CNTNAP2: variants seen among roughly 807,000 people sequenced by gnomAD.
CNTNAP2 encodes the protein contactin-associated protein-like 2.
CNTNAP2 carries 98 observed loss-of-function variants against 155.2 expected under a neutral mutation model. That is an observed-to-expected ratio of 0.63 (90% CI 0.54 to 0.75). The LOEUF (loss-of-function observed/expected upper bound fraction) is 0.75. Ranked by LOEUF, CNTNAP2 falls within the 30% of genes least tolerant of loss-of-function variation. The probability of loss-of-function intolerance (pLI) is 0.00; values close to 1 mark genes in which losing one functional copy is unlikely to be tolerated. For missense variants in CNTNAP2, 1,727 were observed against 1,688.1 expected (o/e 1.02, Z -0.40); for synonymous variants, 651 against 631.2 (o/e 1.03, Z -0.47).
chr7:147,812,652 C>T (rs1798199291), intron 13 of CNTNAP2, among the ~76,000 whole-genome samples: 1 of 152,182 alleles, frequency 6.6e-6, no homozygotes, highest in Non-Finnish European at 1.5e-5. Context: ...GCCTCAGGTC[C>T]TCTCTCTGCT....
intron 8 of CNTNAP2, among the ~76,000 whole-genome samples, chr7:147,229,250 A>G (rs1234877638): frequency 6.6e-6 from 1 of 152,178 alleles, no homozygotes; most frequent in Non-Finnish European, 1.5e-5. Flanking sequence ...GCTTTACTCA[A>G]GAATGAACAG....
At chr7:146,954,017 A>G (rs2129228645) in intron 3 of CNTNAP2, among the ~76,000 whole-genome samples, 1 of 152,074 alleles carries the variant, frequency 6.6e-6, no homozygotes, top group South Asian at 2.1e-4. Flanking sequence ...TGATACCACC[A>G]TATAACGTGG....
chr7:147,640,420 G>A (rs755479462), intron 13 of CNTNAP2, among the ~76,000 whole-genome samples: 1 of 152,026 alleles, frequency 6.6e-6, no homozygotes, highest in African/African-American at 2.4e-5. Flanking sequence ...ATTTCATAAG[G>A]TAATATACTA....
chr7:147,648,323 G>C (rs2116937483), intron 13 of CNTNAP2, among the ~76,000 whole-genome samples: 1 of 152,276 alleles, frequency 6.6e-6, no homozygotes, highest in Admixed American at 6.5e-5. Flanking sequence ...AAGGGCAGAA[G>C]TTCTCATTAA....
chr7:147,241,197 C>T (rs1803929098), intron 8 of CNTNAP2, among the ~76,000 whole-genome samples: 1 of 152,194 alleles, frequency 6.6e-6, no homozygotes, highest in Admixed American at 6.5e-5. Flanking sequence ...ATGGAGGCAG[C>T]TACTGTCTTT....
intron 1 of CNTNAP2, among the ~76,000 whole-genome samples, chr7:146,668,031 G>A (rs1048584379): frequency 6.6e-6 from 1 of 152,036 alleles, no homozygotes; most frequent in Non-Finnish European, 1.5e-5. Flanking sequence ...GTGAGTGTTA[G>A]CATCTTTGTC....
At chr7:147,033,287 C>A (rs1799079419) in intron 3 of CNTNAP2, among the ~76,000 whole-genome samples, 1 of 149,260 alleles carries the variant, frequency 6.7e-6, no homozygotes, top group South Asian at 2.1e-4. Context: ...AAGTGAATTA[C>A]CCAAGTGAAC....
chr7:146,350,706 G>A (rs576484533), intron 1 of CNTNAP2, among the ~76,000 whole-genome samples: 24 of 152,126 alleles, frequency 1.6e-4, no homozygotes, highest in African/African-American at 5.5e-4. Flanking sequence ...TATAAATCAT[G>A]CTGCTATAAA....
chr7:148,278,730 G>C (rs1796923303), intron 21 of CNTNAP2, among the ~76,000 whole-genome samples: 1 of 152,224 alleles, frequency 6.6e-6, no homozygotes, highest in South Asian at 2.1e-4. Flanking sequence ...CATGAGCATA[G>C]ACAGAATGAG....
rs200520434 is a variant in CNTNAP2 at position 146,843,244 on chromosome 7, C to T, written c.402+3340C>T. 4.8e-5 allele frequency among the ~76,000 whole-genome samples: 7 copies of T among 144,922 alleles called. No homozygotes were observed. In the East Asian group the frequency reaches 1.4e-3, roughly 29 times the overall value. On this transcript the variant is annotated intron_variant, in intron 3 of 23. Coordinates refer to ENST00000361727, the MANE Select transcript of CNTNAP2 (RefSeq NM_014141.6). ...AGCCAGGATGGTCTCGATCTCCTGA[C>T]CTCATGATCCACCCGCCTCGGCCTC... is the stretch of plus-strand genomic sequence containing the variant.
chr7:147,314,738 A>C (rs1285902365), intron 9 of CNTNAP2, among the ~76,000 whole-genome samples: 1 of 151,234 alleles, frequency 6.6e-6, no homozygotes, highest in Non-Finnish European at 1.5e-5. Context: ...ATATGTATAC[A>C]TGATTTTAGG....
chr7:146,993,834 T>A (rs7800935), intron 3 of CNTNAP2, among the ~76,000 whole-genome samples: 2 of 152,036 alleles, frequency 1.3e-5, no homozygotes, highest in East Asian at 3.9e-4. Flanking sequence ...TCTTGAGCAT[T>A]GCAAATTAGT....
intron 1 of CNTNAP2, among the ~76,000 whole-genome samples, chr7:146,346,785 A>G (rs1277488388): frequency 6.6e-6 from 1 of 152,086 alleles, no homozygotes; most frequent in Non-Finnish European, 1.5e-5. Context: ...TTCCATCCTG[A>G]AATATTTACC....
At chr7:146,334,535 T>A (rs943590547) in intron 1 of CNTNAP2, among the ~76,000 whole-genome samples, 2 of 152,134 alleles carry the variant, frequency 1.3e-5, no homozygotes, top group African/African-American at 4.8e-5. Flanking sequence ...CCTGTCTTCT[T>A]TCATGGCACC....
chr7:146,941,010 G>A (rs910949232), intron 3 of CNTNAP2, among the ~76,000 whole-genome samples: 1 of 151,824 alleles, frequency 6.6e-6, no homozygotes, highest in African/African-American at 2.4e-5. Context: ...ATTTGCATGA[G>A]ACATCTTTTT....
In CNTNAP2 at chr7:147,036,822, G is replaced by A. The variant is rs572653145; in HGVS notation, c.403-7085G>A. 2.0e-5 allele frequency among the ~76,000 whole-genome samples: 3 copies of A among 152,254 alleles called. No homozygotes were observed. In the East Asian group the frequency reaches 5.8e-4, roughly 29 times the overall value. On this transcript the variant is annotated intron_variant, in intron 3 of 23. Coordinates refer to ENST00000361727, the MANE Select transcript of CNTNAP2 (RefSeq NM_014141.6). Reference sequence around the variant, plus strand: ...TTGATGCAGGTTTCCAAATCTTAAAGATTGTATAAAAACTCAGCTGTGTAT... The same window carrying A: ...TTGATGCAGGTTTCCAAATCTTAAAAATTGTATAAAAACTCAGCTGTGTAT...
intron 20 of CNTNAP2, among the ~76,000 whole-genome samples, chr7:148,263,733 T>A (rs1445191690): frequency 8.0e-6 from 1 of 124,884 alleles, no homozygotes; most frequent in Non-Finnish European, 1.6e-5. Context: ...CGAGACTCAG[T>A]CCCAAAAAAA....
intron 18 of CNTNAP2, among the ~76,000 whole-genome samples, chr7:148,183,475 C>CTTTTTTTTT (rs71527885): frequency 6.9e-4 from 57 of 82,240 alleles, no homozygotes; most frequent in African/African-American, 1.0e-3. Flanking sequence ...TACTTATTTG[C>CTTTTTTTTT]TTTTTTTTTT....
chr7:146,697,612 T>C, intron 1 of CNTNAP2, among the ~76,000 whole-genome samples: 1 of 152,218 alleles, frequency 6.6e-6, no homozygotes, highest in Non-Finnish European at 1.5e-5. Context: ...TTACTCTAGA[T>C]GTTTTTGGTT....
Sources: allele counts gnomAD v4.1 joint callset (sites outside exome capture counted in the v4.1 genomes callset), GRCh38; gene constraint gnomAD v4.1.1; transcripts MANE v1.5; gene names NCBI Gene and HGNC (gene_info 2026-07-23, HGNC 2026-07-21).